LRBA: variants seen among roughly 807,000 people sequenced by gnomAD.
LRBA encodes the protein LPS responsive beige-like anchor protein.
In LRBA, 176 loss-of-function variants were observed where a neutral mutation model predicts 330.0. The ratio of observed to expected loss-of-function variants is 0.53; its 90% CI spans 0.47 to 0.60. The LOEUF (loss-of-function observed/expected upper bound fraction) is 0.60, where lower values mean the gene tolerates loss of function less well. Among genes scored for constraint, LRBA ranks in the 20% least tolerant of loss-of-function variants. The pLI is 0.00. For missense variants in LRBA, 3,259 were observed against 3,444.8 expected, an observed-to-expected ratio of 0.95 and a Z score of 1.35; for synonymous variants, 1,230 against 1,193.0, an observed-to-expected ratio of 1.03 and a Z score of -0.64.
intron 46 of LRBA, among the ~76,000 whole-genome samples, chr4:150,424,177 T>C (rs1749225852): frequency 6.6e-6 from 1 of 152,188 alleles, no homozygotes; most frequent in African/African-American, 2.4e-5. Context: ...ATTTTACATA[T>C]AGTATGAAGA....
rs373199765 is a variant in LRBA, at chr4:150,893,058, C to A, written c.2159G>T (p.Gly720Val). The A allele has an allele frequency of 1.4e-5, 22 of 1,602,660 alleles. No individual in the cohort carries two copies. Among genetic ancestry groups the A allele is most frequent in the Non-Finnish European group, 1.5e-5 (17 of 1,171,760 alleles). ...SMIPAFDQRNGLRVIYKLLAS... is the reference protein window; with the variant it reads ...SMIPAFDQRNVLRVIYKLLAS... ...ATAGATTAAAAACTCTTACCGTAAC[C>A]CATTCCTTTGGTCAAAAGCAGGAAT... Residue 720 changes from glycine to valine, a missense_variant, in exon 17 of 57, where the codon GGG becomes GTG. By Grantham distance (109) the Gly-to-Val change is moderately radical. Coordinates refer to ENST00000651943, the MANE Select transcript of LRBA (RefSeq NM_001364905.1).
chr4:150,705,986 C>T (rs1048005630), intron 36 of LRBA, among the ~76,000 whole-genome samples: 10 of 151,862 alleles, frequency 6.6e-5, no homozygotes, highest in Non-Finnish European at 1.5e-4. Flanking sequence ...TAAGTTGATA[C>T]CAATAAAAGT....
At chr4:150,821,135 G>C (rs1279823220) in intron 30 of LRBA, among the ~76,000 whole-genome samples, 5 of 152,004 alleles carry the variant, frequency 3.3e-5, no homozygotes, top group Non-Finnish European at 7.4e-5. Context: ...ACAATTATTG[G>C]AACTTTTTAT....
intron 39 of LRBA, among the ~76,000 whole-genome samples, chr4:150,589,002 AAT>A (rs1390257497): frequency 4.6e-5 from 7 of 151,948 alleles, no homozygotes; most frequent in Non-Finnish European, 1.0e-4. Context: ...ATGAACTAAA[AAT>A]GTTACATATA....
intron 39 of LRBA, 55 bp from the exon 40 acceptor site, chr4:150,588,239 C>A: frequency 1.3e-6 from 2 of 1,524,160 alleles, no homozygotes; most frequent in South Asian, 1.3e-5. Context: ...TTCAAAAAAT[C>A]AAATTCGACC....
intron 48 of LRBA, 27 bp from the exon 49 acceptor site, chr4:150,325,925 G>C (rs1311873669): frequency 2.4e-6 from 3 of 1,272,954 alleles, no homozygotes; most frequent in South Asian, 2.4e-5. Flanking sequence ...CAAGTCTGAA[G>C]GTTAAGAGGT....
At chr4:150,572,089 G>C (rs1769940629) in intron 40 of LRBA, among the ~76,000 whole-genome samples, 1 of 151,890 alleles carries the variant, frequency 6.6e-6, no homozygotes, top group Non-Finnish European at 1.5e-5. Flanking sequence ...GTTTACATGA[G>C]CATAAATTGT....
At chr4:151,012,066 AC>A (rs1241571068) in intron 2 of LRBA, among the ~76,000 whole-genome samples, 1 of 152,158 alleles carries the variant, frequency 6.6e-6, no homozygotes, top group Non-Finnish European at 1.5e-5. Flanking sequence ...AGAAACTGCT[AC>A]CTAATATTCT....
intron 34 of LRBA, among the ~76,000 whole-genome samples, chr4:150,774,355 C>T (rs1332207669): frequency 1.3e-5 from 2 of 152,102 alleles, no homozygotes; most frequent in Non-Finnish European, 2.9e-5. Flanking sequence ...ACTGACTGAC[C>T]ACCCAGCCGA....
intron 17 of LRBA, among the ~76,000 whole-genome samples, chr4:150,881,049 C>A (rs953050946): frequency 6.6e-6 from 1 of 152,104 alleles, no homozygotes; most frequent in Non-Finnish European, 1.5e-5. Context: ...CTGATTCTGG[C>A]AAAGCTGCAG....
intron 42 of LRBA, among the ~76,000 whole-genome samples, chr4:150,472,316 A>G (rs1756230602): frequency 6.6e-6 from 1 of 152,050 alleles, no homozygotes; most frequent in Non-Finnish European, 1.5e-5. Context: ...GAACTGATCA[A>G]TACAAAGAGT....
At chr4:150,267,487 AT>A (rs1560936242) in intron 56 of LRBA, among the ~76,000 whole-genome samples, 3 of 152,230 alleles carry the variant, frequency 2.0e-5, no homozygotes, top group African/African-American at 7.2e-5. Flanking sequence ...TGAAAAGGAA[AT>A]ACAACAAGCC....
chr4:150,785,484 G>A (rs1344295315), intron 34 of LRBA, among the ~76,000 whole-genome samples: 1 of 152,144 alleles, frequency 6.6e-6, no homozygotes, highest in Admixed American at 6.5e-5. Context: ...TTTGGGAAGG[G>A]CTACTATTTA....
intron 35 of LRBA, among the ~76,000 whole-genome samples, chr4:150,744,030 C>G (rs1732366618): frequency 6.6e-6 from 1 of 152,106 alleles, no homozygotes. Flanking sequence ...AATGCAATTT[C>G]TTATCTATGA....
At chr4:150,840,673 GA>G in intron 28 of LRBA, 1 of 157,444 alleles carries the variant, frequency 6.4e-6, no homozygotes, top group Non-Finnish European at 1.4e-5. Context: ...TAATAATAAT[GA>G]AAAGGTTTGA....
In LRBA at chr4:150,852,587, C is replaced by A; in HGVS notation, c.3123G>T (p.Glu1041Asp). 2 of 1,613,992 alleles carry A rather than the reference C, an allele frequency of 1.2e-6. No homozygotes were observed. The highest frequency in any genetic ancestry group is 1.7e-6 in the Non-Finnish European group (2 of 1,179,984). The change falls in exon 23 of 57, where the codon GAG (glutamate) becomes GAT (aspartate). Residue 1041 changes from glutamate to aspartate, a missense_variant. Transcript: ENST00000651943. ...EGTLEETLTN[E>D]TRNADDLEVS... ...CTTCTAAATCATCTGCATTCCTTGTCTCATTTGTCAGTGTTTCTTCCAAAG... is the reference window on the plus strand; with the variant it reads ...CTTCTAAATCATCTGCATTCCTTGTATCATTTGTCAGTGTTTCTTCCAAAG...
chr4:150,809,866 ATACGATACGATACG>A (rs1743384891), intron 31 of LRBA, among the ~76,000 whole-genome samples: 2 of 45,040 alleles, frequency 4.4e-5, no homozygotes, highest in African/African-American at 9.1e-5. Context: ...ATACGATACG[ATACGATACGATACG>A]ATACGATACG....
chr4:150,698,408 A>C (rs1784820337), intron 36 of LRBA, among the ~76,000 whole-genome samples: 1 of 152,200 alleles, frequency 6.6e-6, no homozygotes, highest in Non-Finnish European at 1.5e-5. Context: ...AGAGATTTTC[A>C]ATGCATTAAA....
chr4:150,291,786 C>T (rs999982557), intron 53 of LRBA, among the ~76,000 whole-genome samples: 18 of 149,776 alleles, frequency 1.2e-4, no homozygotes, highest in African/African-American at 3.4e-4. Context: ...ATGTTTATTG[C>T]GGCATTATTC....
Sources: gnomAD v4.1 joint callset for allele counts (sites outside exome capture counted in the v4.1 genomes callset) on GRCh38, gnomAD v4.1.1 for gene constraint, MANE v1.5 for transcripts, NCBI Gene and HGNC (gene_info 2026-07-23, HGNC 2026-07-21) for gene names.